SPATA17: variants seen among roughly 807,000 people sequenced by gnomAD.
SPATA17 encodes spermatogenesis associated 17.
SPATA17 carries 53 observed loss-of-function variants against 62.2 expected under a neutral mutation model. That is an observed-to-expected ratio of 0.85 (90% CI 0.68 to 1.07). The LOEUF is 1.07. Ranked by LOEUF, SPATA17 falls within the 50% of genes least tolerant of loss-of-function variation. SPATA17 has a pLI of 0.00. For missense variants in SPATA17, 466 were observed against 425.5 expected (o/e 1.10, Z -0.84); for synonymous variants, 146 against 146.8 (o/e 0.99, Z 0.04).
intron 4 of SPATA17, among the ~76,000 whole-genome samples, chr1:217,680,665 G>T (rs147356906): frequency 1.3e-5 from 2 of 151,736 alleles, no homozygotes; most frequent in Non-Finnish European, 2.9e-5. Context: ...TGGCTCACAC[G>T]TGTAATCCCA....
chr1:217,714,650 A>AT (rs1430038786), intron 5 of SPATA17, among the ~76,000 whole-genome samples: 1 of 151,446 alleles, frequency 6.6e-6, no homozygotes, highest in Non-Finnish European at 1.5e-5. Flanking sequence ...CGCCCGGCTA[A>AT]TTTTTTGTAT....
At chr1:217,784,779 T>C (rs1442172909) in intron 8 of SPATA17, among the ~76,000 whole-genome samples, 3 of 152,168 alleles carry the variant, frequency 2.0e-5, no homozygotes, top group Non-Finnish European at 4.4e-5. Flanking sequence ...TTTTATCCCC[T>C]AGCCTGGAGA....
intron 4 of SPATA17, among the ~76,000 whole-genome samples, chr1:217,676,155 C>T (rs879467096): frequency 6.6e-6 from 1 of 152,066 alleles, no homozygotes; most frequent in African/African-American, 2.4e-5. Context: ...TGGCTCATGA[C>T]GAAAAACCTC....
At chr1:217,706,615 T>C (rs538203363) in intron 5 of SPATA17, among the ~76,000 whole-genome samples, 9 of 152,308 alleles carry the variant, frequency 5.9e-5, no homozygotes, top group African/African-American at 2.2e-4. Context: ...TTCCTAAGGC[T>C]TCCACAGTCA....
rs201875627 is a variant in SPATA17 at position 217,724,100 on chromosome 1, T to A, written c.396-17875T>A. 2.6e-5 allele frequency among the ~76,000 whole-genome samples: 4 copies of A among 152,250 alleles called. No homozygotes were observed. The East Asian group carries it at 7.7e-4, about 29-fold the overall frequency. The stretch of plus-strand genomic sequence containing the variant: ...TCTATGTCAATACATATAAATTTCA[T>A]GTCAAAATTTTCAGTGCCTATAGTA... On this transcript the variant is annotated intron_variant, in intron 5 of 10. Coordinates refer to ENST00000366933, the MANE Select transcript of SPATA17 (RefSeq NM_138796.4).
At chr1:217,785,950 C>G (rs1326888586) in intron 8 of SPATA17, among the ~76,000 whole-genome samples, 1 of 152,078 alleles carries the variant, frequency 6.6e-6, no homozygotes, top group Non-Finnish European at 1.5e-5. Flanking sequence ...CATGCCATCT[C>G]AAAGAAAATT....
intron 5 of SPATA17, among the ~76,000 whole-genome samples, chr1:217,701,237 G>A (rs1234350050): frequency 6.6e-6 from 1 of 151,906 alleles, no homozygotes; most frequent in Non-Finnish European, 1.5e-5. Flanking sequence ...GCCTCCCAAA[G>A]TGCTGGGATT....
At position 217,641,565 on chromosome 1, in the gene SPATA17, T is replaced by C. The variant is rs115987629; in HGVS notation, c.69-7317T>C. On this transcript the variant is annotated intron_variant, in intron 1 of 10. Transcript: ENST00000366933. ...AATGGGACATTAAAAAGAAGCAAAA[T>C]AAATGTTTAGAGATTAAAAACACAG... 2.1e-3 allele frequency among the ~76,000 whole-genome samples: 322 copies of C among 152,126 alleles called. 3 individuals carry two copies. Among genetic ancestry groups the C allele is most frequent in the African/African-American group, 7.5e-3 (313 of 41,520 alleles).
chr1:217,673,585 G>A (rs1278265266), intron 4 of SPATA17, among the ~76,000 whole-genome samples: 1 of 151,978 alleles, frequency 6.6e-6, no homozygotes, highest in Non-Finnish European at 1.5e-5. Flanking sequence ...AATATCTTAT[G>A]CAAACGCCAT....
At position 217,749,985 on chromosome 1, in the gene SPATA17, C is replaced by CTCTATATATATATA; in HGVS notation, c.519+7888_519+7889insCTATATATATATAT. ...TCTCTCTCTCTCTCTCTCTCTCTCTCTATATATATATATATATATATATAT... is the reference window on the plus strand; with the variant it reads ...TCTCTCTCTCTCTCTCTCTCTCTCTCTCTATATATATATATATATATATATATATATATATATAT... On this transcript the variant is annotated intron_variant, in intron 6 of 10. Coordinates refer to ENST00000366933, the MANE Select transcript of SPATA17 (RefSeq NM_138796.4). Among the ~76,000 whole-genome samples the CTCTATATATATATA allele has an allele frequency of 3.1e-3, 38 of 12,306 alleles. 1 individual carries two copies. Among genetic ancestry groups the CTCTATATATATATA allele is most frequent in the African/African-American group, 6.7e-3 (22 of 3,284 alleles). 8.1% of individuals were successfully genotyped at this position (12,306 alleles called of 152,430 possible). A position where few individuals can be genotyped will look rare whatever the true frequency, so the allele number is the denominator to read the frequency against.
rs528260472 is a variant in SPATA17 at position 217,719,359 on chromosome 1, C to T, written c.396-22616C>T. Among the ~76,000 whole-genome samples, 8 of 152,282 alleles carry T rather than the reference C, an allele frequency of 5.3e-5. No individual in the cohort carries two copies. The East Asian group carries it at 1.5e-3, about 29-fold the overall frequency. On this transcript the variant is annotated intron_variant, in intron 5 of 10. Transcript: ENST00000366933. ...TTGTTGTGGTTATTCTTATTCCATT[C>T]CTTCTCTACCATTCAGTGCTGGTGT...
At chr1:217,709,854 C>T (rs1051761655) in intron 5 of SPATA17, among the ~76,000 whole-genome samples, 3 of 152,144 alleles carry the variant, frequency 2.0e-5, no homozygotes, top group Admixed American at 6.5e-5. Flanking sequence ...TATTATATTT[C>T]AATCTTTAAT....
At chr1:217,866,075 T>G (rs74866162) in intron 10 of SPATA17, among the ~76,000 whole-genome samples, 1 of 152,198 alleles carries the variant, frequency 6.6e-6, no homozygotes, top group East Asian at 1.9e-4. Context: ...GAATAAGATC[T>G]TAGCAACTGT....
At chr1:217,861,459 C>CA (rs902829614) in intron 9 of SPATA17, among the ~76,000 whole-genome samples, 1 of 150,262 alleles carries the variant, frequency 6.7e-6, no homozygotes, top group Non-Finnish European at 1.5e-5. Context: ...AAGTTGCCAA[C>CA]AAAAAAAGTC....
At chr1:217,756,428 T>C (rs1374543585) in intron 6 of SPATA17, among the ~76,000 whole-genome samples, 8 of 152,124 alleles carry the variant, frequency 5.3e-5, no homozygotes, top group Admixed American at 5.2e-4. Flanking sequence ...ACACAATAGA[T>C]ATAGGATGAA....
At chr1:217,750,948 G>C (rs1295056218) in intron 6 of SPATA17, among the ~76,000 whole-genome samples, 2 of 152,144 alleles carry the variant, frequency 1.3e-5, no homozygotes, top group African/African-American at 2.4e-5. Flanking sequence ...ATAAAAATCT[G>C]AGTTGGTCAT....
chr1:217,721,878 C>T (rs962595582), intron 5 of SPATA17, among the ~76,000 whole-genome samples: 2 of 152,184 alleles, frequency 1.3e-5, no homozygotes, highest in Admixed American at 6.5e-5. Flanking sequence ...CCATCTTTGG[C>T]ATTCCTCTCA....
chr1:217,769,399 G>C (rs1673383705), intron 6 of SPATA17, among the ~76,000 whole-genome samples: 1 of 152,176 alleles, frequency 6.6e-6, no homozygotes, highest in Non-Finnish European at 1.5e-5. Context: ...CAAGCTGAAT[G>C]CAGTTATTAT....
chr1:217,843,860 A>C (rs961770660), intron 9 of SPATA17, among the ~76,000 whole-genome samples: 1 of 152,156 alleles, frequency 6.6e-6, no homozygotes, highest in African/African-American at 2.4e-5. Context: ...GTGTACATGC[A>C]TGCTGAAATT....
Sources: gnomAD v4.1 joint callset for allele counts (sites outside exome capture counted in the v4.1 genomes callset) on GRCh38, gnomAD v4.1.1 for gene constraint, MANE v1.5 for transcripts, NCBI Gene and HGNC (gene_info 2026-07-23, HGNC 2026-07-21) for gene names.